Variants in CDH2 observed in about 807,000 individuals in gnomAD.
CDH2 encodes the protein cadherin 2.
A neutral mutation model predicts 92.0 loss-of-function variants in CDH2; 17 were observed. The observed-to-expected ratio is 0.18, with a 90% CI of 0.13 to 0.28. The LOEUF (loss-of-function observed/expected upper bound fraction) is 0.28. CDH2 is among the 10% of genes least tolerant of loss of function. The pLI is 1.00. For synonymous variants in CDH2, 419 were observed against 415.9 expected (o/e 1.01, Z -0.09); for missense variants, 862 against 1,133.1 (o/e 0.76, Z 3.44).
At chr18:27,950,228 ATAGT>A (rs1432444066), downstream of CDH2, among the ~76,000 whole-genome samples, 1 of 152,134 alleles carries the variant, frequency 6.6e-6, no homozygotes, top group Non-Finnish European at 1.5e-5. Flanking sequence ...AGCAAAAAAT[ATAGT>A]TAGAGGAGGT....
intron 15 of CDH2, among the ~76,000 whole-genome samples, chr18:27,962,340 A>T (rs1302444464): frequency 6.6e-6 from 1 of 152,244 alleles, no homozygotes; most frequent in Admixed American, 6.5e-5. Context: ...TTAGGAACAG[A>T]CAGTAATGGA....
chr18:28,045,208 C>T (rs558846098), intron 2 of CDH2, among the ~76,000 whole-genome samples: 1 of 152,186 alleles, frequency 6.6e-6, no homozygotes, highest in African/African-American at 2.4e-5. Flanking sequence ...AGGTTATATC[C>T]TCTCCACTTC....
intron 5 of CDH2, among the ~76,000 whole-genome samples, chr18:28,006,509 G>C (rs910742212): frequency 1.3e-5 from 2 of 152,000 alleles, no homozygotes; most frequent in Non-Finnish European, 2.9e-5. Context: ...CCTGAGGTCA[G>C]GAGTTTGAGA....
intron 2 of CDH2, among the ~76,000 whole-genome samples, chr18:28,104,557 G>T (rs2015289346): frequency 1.3e-5 from 2 of 151,426 alleles, no homozygotes; most frequent in African/African-American, 2.4e-5. Flanking sequence ...AAAAATGGGT[G>T]AGAAGTGTAA....
intron 2 of CDH2, among the ~76,000 whole-genome samples, chr18:28,134,914 G>A (rs1228083990): frequency 6.6e-6 from 1 of 152,076 alleles, no homozygotes; most frequent in Non-Finnish European, 1.5e-5. Context: ...GTAGGGGATG[G>A]GAAAGCGGAA....
chr18:27,980,621 G>C (rs3903148), intron 14 of CDH2, among the ~76,000 whole-genome samples: 1 of 152,004 alleles, frequency 6.6e-6, no homozygotes. Flanking sequence ...TCTTGGTCTA[G>C]ACTAATATGC....
intron 2 of CDH2, among the ~76,000 whole-genome samples, chr18:28,053,541 G>C (rs1428084079): frequency 6.6e-6 from 1 of 152,064 alleles, no homozygotes; most frequent in Non-Finnish European, 1.5e-5. Context: ...GCTGAGTTTT[G>C]GTTAGTTACA....
intron 2 of CDH2, among the ~76,000 whole-genome samples, chr18:28,033,179 A>G (rs2013741257): frequency 6.6e-6 from 1 of 152,092 alleles, no homozygotes; most frequent in African/African-American, 2.4e-5. Flanking sequence ...GTACATTCAC[A>G]GAGATATCAA....
intron 3 of CDH2, among the ~76,000 whole-genome samples, chr18:28,012,315 T>C (rs1326347277): frequency 6.6e-6 from 1 of 152,208 alleles, no homozygotes; most frequent in Non-Finnish European, 1.5e-5. Context: ...TATATATTTC[T>C]CATTAGTTTA....
At chr18:27,995,849 C>T (rs2012565156) in intron 7 of CDH2, among the ~76,000 whole-genome samples, 1 of 152,118 alleles carries the variant, frequency 6.6e-6, no homozygotes, top group African/African-American at 2.4e-5. Context: ...ATGTCATCTC[C>T]ATTTTCAAAT....
At chr18:28,062,026 C>A (rs1014836573) in intron 2 of CDH2, among the ~76,000 whole-genome samples, 2 of 152,140 alleles carry the variant, frequency 1.3e-5, no homozygotes, top group Non-Finnish European at 2.9e-5. Context: ...TGTACACAGC[C>A]CTCATTCCTT....
intron 2 of CDH2, among the ~76,000 whole-genome samples, chr18:28,059,135 G>A (rs930148995): frequency 1.3e-5 from 2 of 152,116 alleles, no homozygotes; most frequent in Non-Finnish European, 2.9e-5. Context: ...AGTTTTAAAT[G>A]TTTGCCTATA....
chr18:28,057,644 G>T (rs1222242641), intron 2 of CDH2, among the ~76,000 whole-genome samples: 1 of 151,338 alleles, frequency 6.6e-6, no homozygotes, highest in Non-Finnish European at 1.5e-5. Flanking sequence ...TGCAGCCTGG[G>T]TGACAGGGCA....
In CDH2 at chr18:28,032,565, T is replaced by C. The variant is rs192976304; in HGVS notation, c.173-18656A>G. Among the ~76,000 whole-genome samples, 117 of 152,282 alleles carry C rather than the reference T, an allele frequency of 7.7e-4. 1 individual carries two copies. The highest frequency in any genetic ancestry group is 2.2e-3 in the African/African-American group (92 of 41,580). On this transcript the variant is annotated intron_variant, in intron 2 of 15. Transcript: ENST00000269141. ...GATAAGTAATCAAATATTACTCTCATTACTACTGTTTCTAAGTCATGAGTT... is the reference window on the plus strand; with the variant it reads ...GATAAGTAATCAAATATTACTCTCACTACTACTGTTTCTAAGTCATGAGTT...
intron 2 of CDH2, among the ~76,000 whole-genome samples, chr18:28,103,227 C>T (rs1422613328): frequency 7.1e-6 from 1 of 140,680 alleles, no homozygotes; most frequent in Non-Finnish European, 1.5e-5. Flanking sequence ...TATATAAAAA[C>T]TCCTTTATAT....
At chr18:28,095,234 C>T (rs1023268707) in intron 2 of CDH2, among the ~76,000 whole-genome samples, 4 of 151,802 alleles carry the variant, frequency 2.6e-5, no homozygotes, top group Admixed American at 6.6e-5. Flanking sequence ...GCTAGATGAA[C>T]GAACAAGCCA....
intron 7 of CDH2, among the ~76,000 whole-genome samples, chr18:27,995,553 GA>G (rs1234115031): frequency 2.6e-5 from 4 of 151,880 alleles, no homozygotes; most frequent in African/African-American, 4.8e-5. Context: ...CAAAAAGAGA[GA>G]AAAAAAGGAA....
At chr18:28,069,283 T>C (rs1461010634) in intron 2 of CDH2, among the ~76,000 whole-genome samples, 1 of 152,188 alleles carries the variant, frequency 6.6e-6, no homozygotes, top group Non-Finnish European at 1.5e-5. Flanking sequence ...TCTTCAAAAT[T>C]TGTTTGAGGC....
chr18:28,132,257 G>C (rs2015784496), intron 2 of CDH2, among the ~76,000 whole-genome samples: 1 of 152,146 alleles, frequency 6.6e-6, no homozygotes, highest in Admixed American at 6.5e-5. Flanking sequence ...CTCATCTCAC[G>C]CTGCCTTACA....
Sources: allele counts gnomAD v4.1 joint callset (sites outside exome capture counted in the v4.1 genomes callset), GRCh38; gene constraint gnomAD v4.1.1; transcripts MANE v1.5; gene names NCBI Gene and HGNC (gene_info 2026-07-23, HGNC 2026-07-21).